The following KCNIP4 variants were observed in gnomAD, a reference collection of about 807,000 sequenced individuals.
KCNIP4 encodes potassium voltage-gated channel interacting protein 4, also known as Kv channel-interacting protein 4.
KCNIP4 carries 12 observed loss-of-function variants against 34.0 expected under a neutral mutation model. That is an observed-to-expected ratio of 0.35 (90% CI 0.23 to 0.57). The LOEUF is 0.57. Among genes scored for constraint, KCNIP4 ranks in the 20% least tolerant of loss-of-function variants. KCNIP4 has a pLI of 0.83. For missense variants in KCNIP4, 238 were observed against 311.7 expected (o/e 0.76, Z 1.78); for synonymous variants, 124 against 102.2 (o/e 1.21, Z -1.29).
Position 21,589,283 on chromosome 4 carries a change from T to C in KCNIP4, c.61+359288A>G, listed in dbSNP as rs1398050273. Among the ~76,000 whole-genome samples the C allele has an allele frequency of 2.1e-5, 3 of 144,044 alleles. No homozygotes were observed. The East Asian group carries it at 6.1e-4, about 29-fold the overall frequency. The allele number at this position is 144,044 out of a possible 152,430, so 94.5% of individuals were successfully genotyped here. A position where few individuals can be genotyped will look rare whatever the true frequency, so the allele number is the denominator to read the frequency against. On this transcript the variant is annotated intron_variant, in intron 1 of 8. Transcript: ENST00000382152. ...CTATACAGATACATATATGTATAGATACATATATATGTGTATAGATACATA... is the reference window on the plus strand; with the variant it reads ...CTATACAGATACATATATGTATAGACACATATATATGTGTATAGATACATA...
chr4:21,566,455 GT>G, intron 1 of KCNIP4, among the ~76,000 whole-genome samples: 1 of 152,120 alleles, frequency 6.6e-6, no homozygotes, highest in African/African-American at 2.4e-5. Context: ...TTGTTTAAAA[GT>G]TTATAGCACC....
chr4:21,529,669 A>T (rs1736509080), intron 1 of KCNIP4, among the ~76,000 whole-genome samples: 2 of 152,282 alleles, frequency 1.3e-5, no homozygotes, highest in South Asian at 4.1e-4. Flanking sequence ...ATTTCAGGAT[A>T]TAAGCAGAAA....
At chr4:21,307,073 TG>T (rs1712563255) in intron 1 of KCNIP4, among the ~76,000 whole-genome samples, 1 of 152,072 alleles carries the variant, frequency 6.6e-6, no homozygotes, top group African/African-American at 2.4e-5. Context: ...ATGCCCACCT[TG>T]GACCCCCAAA....
At chr4:21,460,103 GC>G (rs550026365) in intron 1 of KCNIP4, among the ~76,000 whole-genome samples, 4 of 57,006 alleles carry the variant, frequency 7.0e-5, no homozygotes, top group Non-Finnish European at 1.3e-4. Flanking sequence ...TCTGCCCCCC[GC>G]CCCCCATCTC....
chr4:20,841,900 A>G (rs916562514), intron 3 of KCNIP4, among the ~76,000 whole-genome samples: 1 of 152,036 alleles, frequency 6.6e-6, no homozygotes, highest in African/African-American at 2.4e-5. Flanking sequence ...TTATGCCTAG[A>G]AAGTCCTTTT....
intron 1 of KCNIP4, among the ~76,000 whole-genome samples, chr4:21,524,763 CAA>C (rs1163925432): frequency 6.6e-6 from 1 of 152,022 alleles, no homozygotes; most frequent in Non-Finnish European, 1.5e-5. Flanking sequence ...GCCATGAAAG[CAA>C]AGAGTGCTGT....
At chr4:21,676,533 C>G (rs888521752) in intron 1 of KCNIP4, among the ~76,000 whole-genome samples, 1 of 152,198 alleles carries the variant, frequency 6.6e-6, no homozygotes, top group Non-Finnish European at 1.5e-5. Context: ...AGTCCAAATT[C>G]AAAATGGTTA....
At chr4:21,423,886 C>T (rs1220866161) in intron 1 of KCNIP4, among the ~76,000 whole-genome samples, 2 of 151,542 alleles carry the variant, frequency 1.3e-5, no homozygotes, top group African/African-American at 2.4e-5. Context: ...TGGCTCACTG[C>T]AACCTCTGCC....
intron 1 of KCNIP4, among the ~76,000 whole-genome samples, chr4:21,439,680 TC>T (rs1159227359): frequency 6.6e-6 from 1 of 152,312 alleles, no homozygotes; most frequent in East Asian, 1.9e-4. Context: ...TCTCCCTTCT[TC>T]TTGCTTTGAG....
At chr4:21,082,082 C>A (rs1294348738) in intron 1 of KCNIP4, among the ~76,000 whole-genome samples, 2 of 151,894 alleles carry the variant, frequency 1.3e-5, no homozygotes, top group Admixed American at 6.6e-5. Context: ...ATTGATCCTG[C>A]TAATGCAGAA....
At chr4:21,718,011 T>C (rs1406600298) in intron 1 of KCNIP4, among the ~76,000 whole-genome samples, 4 of 152,106 alleles carry the variant, frequency 2.6e-5, no homozygotes, top group Non-Finnish European at 5.9e-5. Context: ...CATGAAAAAG[T>C]AAGAGAAAGC....
chr4:21,173,983 G>T (rs998631492), intron 1 of KCNIP4, among the ~76,000 whole-genome samples: 1 of 152,128 alleles, frequency 6.6e-6, no homozygotes, highest in Non-Finnish European at 1.5e-5. Context: ...AGTACAGAAG[G>T]CAATGAAAGA....
intron 1 of KCNIP4, among the ~76,000 whole-genome samples, chr4:21,176,908 A>G (rs1225415715): frequency 3.9e-5 from 6 of 152,246 alleles, no homozygotes; most frequent in Admixed American, 1.3e-4. Context: ...TCAAAGTTTT[A>G]TCTATCTCAC....
At chr4:20,820,915 C>T (rs1377763958) in intron 3 of KCNIP4, among the ~76,000 whole-genome samples, 2 of 152,170 alleles carry the variant, frequency 1.3e-5, no homozygotes, top group Non-Finnish European at 2.9e-5. Flanking sequence ...TTGGCAGCAC[C>T]CACCTGGTGC....
intron 1 of KCNIP4, among the ~76,000 whole-genome samples, chr4:21,137,871 C>CTTTTTTTTT (rs144440285): frequency 0.011 from 1,347 of 117,692 alleles, 131 homozygotes; most frequent in Non-Finnish European, 0.014. Flanking sequence ...CTTACACAGG[C>CTTTTTTTTT]TTTTTTGTTT....
In KCNIP4 at chr4:21,371,606, T is replaced by C. The variant is rs1325350751; in HGVS notation, c.62-488897A>G. Among the ~76,000 whole-genome samples, 6 of 147,094 alleles carry C rather than the reference T, an allele frequency of 4.1e-5. 1 individual carries two copies. Among genetic ancestry groups the C allele is most frequent in the African/African-American group, 1.6e-4 (6 of 36,740 alleles). Reference sequence around the variant, plus strand: ...AAATTAAATCATATGGATAAAATATTACCTGTATGCCTGACACACATTGTT... The same window carrying C: ...AAATTAAATCATATGGATAAAATATCACCTGTATGCCTGACACACATTGTT... On this transcript the variant is annotated intron_variant, in intron 1 of 8. Coordinates refer to ENST00000382152, the MANE Select transcript of KCNIP4 (RefSeq NM_025221.6).
intron 1 of KCNIP4, among the ~76,000 whole-genome samples, chr4:21,554,461 A>G (rs1427934449): frequency 6.6e-6 from 1 of 152,158 alleles, no homozygotes; most frequent in Non-Finnish European, 1.5e-5. Context: ...ACGTGGAGCT[A>G]AAGATTTAAG....
At chr4:20,882,780 A>G (rs554501992) in intron 1 of KCNIP4, 71 bp from the exon 2 acceptor site, 6 of 1,228,922 alleles carry the variant, frequency 4.9e-6, no homozygotes, top group Non-Finnish European at 7.1e-6. Context: ...AGGGTTTATC[A>G]GAGAAGCCAG....
intron 1 of KCNIP4, among the ~76,000 whole-genome samples, chr4:21,719,276 G>A (rs142799973): frequency 6.3e-4 from 96 of 152,224 alleles, no homozygotes; most frequent in African/African-American, 2.1e-3. Context: ...AAATGAACTC[G>A]TTTCATCTCA....
Sources: gnomAD v4.1 joint callset for allele counts (sites outside exome capture counted in the v4.1 genomes callset) on GRCh38, gnomAD v4.1.1 for gene constraint, MANE v1.5 for transcripts, NCBI Gene and HGNC (gene_info 2026-07-23, HGNC 2026-07-21) for gene names.